Variants in SCTR observed in about 807,000 individuals in gnomAD.
SCTR encodes the protein secretin receptor, also known as pancreatic secretin receptor.
SCTR carries 56 observed loss-of-function variants against 60.8 expected under a neutral mutation model. That is an observed-to-expected ratio of 0.92 (90% confidence interval 0.74 to 1.15). The LOEUF (loss-of-function observed/expected upper bound fraction) is 1.15, where lower values mean the gene tolerates loss of function less well. Ranked by LOEUF, SCTR falls within the 50% of genes most tolerant of loss-of-function variation. SCTR has a pLI of 0.00. For synonymous variants in SCTR, 202 were observed against 217.0 expected (o/e 0.93, Z 0.61); for missense variants, 562 against 550.4 (o/e 1.02, Z -0.21).
At chr2:119,462,416 G>A (rs1455032814) in intron 6 of SCTR, among the ~76,000 whole-genome samples, 2 of 152,192 alleles carry the variant, frequency 1.3e-5, no homozygotes, top group African/African-American at 4.8e-5. Context: ...TCTTTTCTAA[G>A]CTCAGTTCCC....
chr2:119,491,796 C>A (rs1678142636), intron 2 of SCTR, among the ~76,000 whole-genome samples: 1 of 152,220 alleles, frequency 6.6e-6, no homozygotes, highest in Non-Finnish European at 1.5e-5. Context: ...CAGGTGTAAG[C>A]CGCTGTGCCC....
At chr2:119,499,110 C>T (rs1393169929) in intron 1 of SCTR, among the ~76,000 whole-genome samples, 3 of 151,578 alleles carry the variant, frequency 2.0e-5, no homozygotes, top group South Asian at 2.1e-4. Flanking sequence ...AGAGCAAAAA[C>T]AATAACCAGA....
Position 119,462,042 on chromosome 2 carries a change from G to A in SCTR, c.637-42C>T, listed in dbSNP as rs770781727. ...AGCTGAACCCAGGCCGGGTGGCAGT[G>A]GGGTTCCCTCTGGTGAGTGGCCCCA... On this transcript the variant is annotated intron_variant, in intron 6 of 12. Transcript: ENST00000019103. 2.5e-6 allele frequency: 4 copies of A among 1,571,900 alleles called. No homozygotes were observed. The South Asian group carries it at 3.6e-5, about 14-fold the overall frequency.
At chr2:119,505,718 AG>A (rs972980391) in intron 1 of SCTR, among the ~76,000 whole-genome samples, 8 of 116,704 alleles carry the variant, frequency 6.9e-5, no homozygotes, top group African/African-American at 2.6e-4. Flanking sequence ...GGGTGGCGGG[AG>A]GGGGGAGGGA....
chr2:119,461,976 G>C lies in SCTR; in HGVS notation c.661C>G (p.Leu221Val). 1 of 1,609,710 alleles carries C rather than the reference G, an allele frequency of 6.2e-7. No individual in the cohort carries two copies. The highest frequency in any genetic ancestry group is 8.5e-7 in the Non-Finnish European group (1 of 1,177,976). Residue 221 changes from leucine to valine, a missense_variant, in exon 7 of 13, where the codon CTG (leucine) becomes GTG (valine). Leu to Val is a conservative substitution (Grantham distance 32, BLOSUM62 1). Transcript: ENST00000019103. ...HRAGCKLVMV[L>V]FQYCIMANYS... ...TTGGCCATGATGCAGTACTGGAACA[G>C]CACCATGACCAGCTTGCAGCCCGCC...
At chr2:119,459,420 T>A (rs1234112997) in intron 7 of SCTR, among the ~76,000 whole-genome samples, 2 of 152,076 alleles carry the variant, frequency 1.3e-5, no homozygotes, top group African/African-American at 4.8e-5. Flanking sequence ...TTTTTTCTAC[T>A]TAAAAAAATT....
intron 1 of SCTR, among the ~76,000 whole-genome samples, chr2:119,508,142 T>C (rs886477065): frequency 3.3e-5 from 5 of 152,248 alleles, no homozygotes; most frequent in Non-Finnish European, 7.4e-5. Flanking sequence ...GAAAAACACA[T>C]GTGCAAATTC....
chr2:119,473,016 A>G (rs1677089606), intron 4 of SCTR, among the ~76,000 whole-genome samples: 1 of 152,156 alleles, frequency 6.6e-6, no homozygotes, highest in Non-Finnish European at 1.5e-5. Context: ...TGACAAGCCT[A>G]TGTTGTCAGC....
intron 2 of SCTR, among the ~76,000 whole-genome samples, 153 bp downstream of exon 2, chr2:119,494,275 C>T (rs1404668177): frequency 6.6e-6 from 1 of 152,212 alleles, no homozygotes; most frequent in African/African-American, 2.4e-5. Flanking sequence ...ACCAGAACCA[C>T]TCCAGCCCTG....
At chr2:119,509,717 A>C (rs1678871447) in intron 1 of SCTR, among the ~76,000 whole-genome samples, 1 of 152,202 alleles carries the variant, frequency 6.6e-6, no homozygotes, top group Non-Finnish European at 1.5e-5. Flanking sequence ...CAGTGGTATT[A>C]GGTATACTCA....
intron 2 of SCTR, among the ~76,000 whole-genome samples, chr2:119,484,567 G>T (rs1016545026): frequency 2.0e-5 from 3 of 152,160 alleles, no homozygotes; most frequent in African/African-American, 7.2e-5. Context: ...TATAAAATGG[G>T]CACAGTAATA....
chr2:119,474,908 C>T (rs566824017), intron 3 of SCTR, among the ~76,000 whole-genome samples: 19 of 152,340 alleles, frequency 1.2e-4, no homozygotes, highest in African/African-American at 4.3e-4. Flanking sequence ...AGGCCTGGAG[C>T]GCAGGTTTAG....
At chr2:119,471,723 C>G (rs1322300533) in intron 4 of SCTR, among the ~76,000 whole-genome samples, 1 of 152,162 alleles carries the variant, frequency 6.6e-6, no homozygotes, top group Non-Finnish European at 1.5e-5. Flanking sequence ...CTAATGGGAC[C>G]TGCTGAAAGT....
chr2:119,450,750 A>C (rs571198981), intron 9 of SCTR, among the ~76,000 whole-genome samples: 1 of 152,128 alleles, frequency 6.6e-6, no homozygotes, highest in African/African-American at 2.4e-5. Context: ...CAGGCAGATC[A>C]CTCGAGTCCA....
intron 2 of SCTR, among the ~76,000 whole-genome samples, chr2:119,492,449 A>G (rs975382618): frequency 6.6e-6 from 1 of 152,264 alleles, no homozygotes; most frequent in African/African-American, 2.4e-5. Flanking sequence ...TCCATAAAAT[A>G]GATGTCAAAA....
chr2:119,518,122 G>A (rs865875614), intron 1 of SCTR, among the ~76,000 whole-genome samples: 33 of 152,090 alleles, frequency 2.2e-4, no homozygotes, highest in African/African-American at 7.2e-4. Context: ...AAACCCTTGG[G>A]GATCTTGATC....
intron 11 of SCTR, among the ~76,000 whole-genome samples, chr2:119,444,268 CATATATACATATGAATATAT>C (rs1558830833): frequency 1.6e-4 from 13 of 82,856 alleles, no homozygotes; most frequent in African/African-American, 4.0e-4. Flanking sequence ...TGAATATATA[CATATATACATATGAATATAT>C]ACACATATAT....
intron 5 of SCTR, among the ~76,000 whole-genome samples, chr2:119,465,105 A>G (rs376343246): frequency 1.7e-4 from 26 of 152,322 alleles, no homozygotes; most frequent in East Asian, 1.4e-3. Flanking sequence ...GACTTGATCA[A>G]TCAGAGTGCT....
At chr2:119,499,970 T>C (rs771473327) in intron 1 of SCTR, among the ~76,000 whole-genome samples, 10 of 152,020 alleles carry the variant, frequency 6.6e-5, no homozygotes, top group Admixed American at 1.3e-4. Flanking sequence ...AACACATACA[T>C]ATACATAAGA....
Sources: gnomAD v4.1 joint callset for allele counts (sites outside exome capture counted in the v4.1 genomes callset) on GRCh38, gnomAD v4.1.1 for gene constraint, MANE v1.5 for transcripts, NCBI Gene and HGNC (gene_info 2026-07-23, HGNC 2026-07-21) for gene names.